The following SGCA variants were observed in gnomAD, a reference collection of about 807,000 sequenced individuals.
SGCA encodes the protein sarcoglycan alpha.
SGCA carries 34 observed loss-of-function variants against 38.1 expected under a neutral mutation model. The ratio of observed to expected loss-of-function variants is 0.89; its 90% CI spans 0.68 to 1.19. SGCA has a LOEUF of 1.19. SGCA is among the 50% of genes most tolerant of loss of function. SGCA has a pLI of 0.00. For synonymous variants in SGCA, 209 were observed against 214.6 expected, an observed-to-expected ratio of 0.97 and a Z score of 0.23; for missense variants, 476 against 524.9, an observed-to-expected ratio of 0.91 and a Z score of 0.91.
chr17:50,173,847 A>T (rs1905692473), intron 8 of SGCA, among the ~76,000 whole-genome samples: 1 of 152,164 alleles, frequency 6.6e-6, no homozygotes, highest in South Asian at 2.1e-4. Context: ...AGCATGGCCC[A>T]TTCAGCGTGA....
rs749097695 is a variant in SGCA, at chr17:50,167,975, A to C, written c.341A>C (p.Asp114Ala). Residue 114 changes from aspartate to alanine, a missense_variant, in exon 4 of 10, where the codon GAT becomes GCT. Transcript: ENST00000262018. The surrounding 1 kb of genome is among the most constrained non-coding windows in gnomAD (Gnocchi z 4.5). ...ACAGCCTACAATCGGGACAGCTTTG[A>C]TACCACTCGGCAGAGGCTGGTGCTG... is the stretch of plus-strand genomic sequence containing the variant. ...EVTAYNRDSF[D>A]TTRQRLVLEI... 81 of 1,614,074 alleles carry C rather than the reference A, an allele frequency of 5.0e-5. No individual in the cohort carries two copies. The highest frequency in any genetic ancestry group is 6.6e-5 in the Non-Finnish European group (78 of 1,180,040).
chr17:50,170,780 C>A, intron 8 of SGCA, 114 bp downstream of exon 8: 1 of 872,968 alleles, frequency 1.1e-6, no homozygotes, highest in Non-Finnish European at 1.9e-6. Flanking sequence ...CAGGGTGATG[C>A]TCACCCCTTC....
At chr17:50,166,347 G>A (rs1338805323) in intron 1 of SGCA, among the ~76,000 whole-genome samples, 2 of 152,106 alleles carry the variant, frequency 1.3e-5, no homozygotes, top group African/African-American at 4.8e-5. Context: ...CCAAAGGGTC[G>A]TGGGCCCTTT....
intron 6 of SGCA, chr17:50,169,843 T>A: frequency 2.0e-6 from 1 of 511,940 alleles, no homozygotes; most frequent in Non-Finnish European, 3.6e-6. Context: ...GCTATGTGCT[T>A]GGCACTGTCC....
chr17:50,166,239 C>T, intron 1 of SGCA, 162 bp downstream of exon 1: 3 of 683,884 alleles, frequency 4.4e-6, no homozygotes, highest in Non-Finnish European at 8.1e-6. Flanking sequence ...GCTGGGGATC[C>T]AGGGAATGGG....
intron 6 of SGCA, 107 bp downstream of exon 6, chr17:50,169,361 C>A: frequency 2.1e-6 from 2 of 974,380 alleles, no homozygotes; most frequent in South Asian, 1.6e-5. Context: ...TTGCTCCAGT[C>A]ACCATTTCTT....
rs1598266860 is a variant in SGCA, at chr17:50,168,359, A to C, written c.386-15A>C. The C allele has an allele frequency of 6.4e-7, 1 of 1,557,820 alleles. No individual in the cohort carries two copies. Among genetic ancestry groups the C allele is most frequent in the Non-Finnish European group, 8.7e-7 (1 of 1,151,788 alleles). On this transcript the variant is annotated splice_polypyrimidine_tract_variant and intron_variant, in intron 4 of 9. Coordinates refer to ENST00000262018, the MANE Select transcript of SGCA (RefSeq NM_000023.4). The stretch of plus-strand genomic sequence containing the variant: ...GGGCTGGGTGCAGCCTGAGGTGTCC[A>C]CCTGGCCTTCCCAGGCCCCCTGCTG...
In SGCA at chr17:50,173,671, C is replaced by T. The variant is rs549718935; in HGVS notation, c.984-1586C>T. Among the ~76,000 whole-genome samples the T allele has an allele frequency of 4.6e-5, 7 of 152,312 alleles. No individual in the cohort carries two copies. The East Asian group carries it at 5.8e-4, about 13-fold the overall frequency. ...GCCCAGCTGTCTCTATCTCAGCATC[C>T]ACACACTGGTTGCTTTCTTTCCCCT... On this transcript the variant is annotated intron_variant, in intron 8 of 9. Coordinates refer to ENST00000262018, the MANE Select transcript of SGCA (RefSeq NM_000023.4).
intron 6 of SGCA, 37 bp downstream of exon 6, chr17:50,169,291 C>T (rs1905180001): frequency 1.9e-6 from 3 of 1,560,376 alleles, no homozygotes; most frequent in African/African-American, 2.7e-5. Context: ...TGGGGTGGGG[C>T]ATGGCCCCCA....
chr17:50,166,134 G>C, intron 1 of SGCA, 57 bp downstream of exon 1: 1 of 1,458,324 alleles, frequency 6.9e-7, no homozygotes. Context: ...GGATTTAGGG[G>C]TGGTAAGACG....
chr17:50,175,317 G>A lies in SGCA; in HGVS notation c.1044G>A (p.Ala348=), dbSNP rs768722155. The change falls in exon 9 of 10, where the codon GCG becomes GCA. Residue 348 remains alanine, a synonymous_variant. Transcript: ENST00000262018. The part of the protein sequence containing the change: ...HGNTEELRQM[A]ASREVPRPLS... ...ACACAGAGGAGCTGCGGCAGATGGCGGCCAGCCGCGAGGTGCCCCGGCCAC... is the reference window on the plus strand; with the variant it reads ...ACACAGAGGAGCTGCGGCAGATGGCAGCCAGCCGCGAGGTGCCCCGGCCAC... The A allele has an allele frequency of 6.2e-7, 1 of 1,608,596 alleles. No individual in the cohort carries two copies. Among genetic ancestry groups the A allele is most frequent in the South Asian group, 1.1e-5 (1 of 90,372 alleles).
At chr17:50,172,745 C>T (rs1234917468) in intron 8 of SGCA, among the ~76,000 whole-genome samples, 1 of 152,156 alleles carries the variant, frequency 6.6e-6, no homozygotes, top group Non-Finnish European at 1.5e-5. Flanking sequence ...CAGGGTTATA[C>T]CAACATTTAT....
chr17:50,169,580 A>C, intron 6 of SGCA: 1 of 381,416 alleles, frequency 2.6e-6, no homozygotes, highest in South Asian at 3.6e-5. Context: ...CCCTTTCCCT[A>C]CCAAGGGCCT....
At position 50,167,831 on chromosome 17, in the gene SGCA, CATTTACATATA is replaced by C. The variant is rs1464768925; in HGVS notation, c.312+105_313-96del. The C allele has an allele frequency of 1.9e-5, 30 of 1,541,336 alleles. No individual in the cohort carries two copies. The highest frequency in any genetic ancestry group is 2.6e-5 in the Non-Finnish European group (29 of 1,114,344). On this transcript the variant is annotated intron_variant, in intron 3 of 9. Coordinates refer to ENST00000262018, the MANE Select transcript of SGCA (RefSeq NM_000023.4). This position sits in a 1 kb window ranked among gnomAD's most constrained non-coding sequence, Gnocchi z 4.5. ...TTGGGATTGGGTGCTCATTCACAGT[CATTTACATATA>C]ATTTACATACCTCTAATTTGGTATC... is the stretch of plus-strand genomic sequence containing the variant.
In SGCA at chr17:50,167,259, G is replaced by A. The variant is rs1020898418; in HGVS notation, c.38-109G>A. 8.6e-6 allele frequency: 13 copies of A among 1,503,882 alleles called. No individual in the cohort carries two copies. The East Asian group carries it at 1.4e-4, about 16-fold the overall frequency. 93.2% of individuals were successfully genotyped at this position (1,503,882 alleles called of 1,614,324 possible). On this transcript the variant is annotated intron_variant, in intron 1 of 9. Coordinates refer to ENST00000262018, the MANE Select transcript of SGCA (RefSeq NM_000023.4). The surrounding 1 kb of genome is among the most constrained non-coding windows in gnomAD (Gnocchi z 4.5). ...CTTCCTGGGAGGCAGCAAAGGAAGC[G>A]CTTCTCTCGGTCCCTTAGGGGCTCC...
At chr17:50,171,369 G>C (rs928757764) in intron 8 of SGCA, 5 of 374,086 alleles carry the variant, frequency 1.3e-5, no homozygotes, top group Non-Finnish European at 2.7e-5. Context: ...CCCCTCCTAT[G>C]TGCCCCCAGC....
chr17:50,167,411 G>A lies in SGCA; in HGVS notation c.81G>A (p.Thr27=), dbSNP rs2144493184. The A allele has an allele frequency of 3.1e-6, 5 of 1,614,154 alleles. No individual in the cohort carries two copies. The highest frequency in any genetic ancestry group is 1.1e-5 in the South Asian group (1 of 91,084). The change falls in exon 2 of 10, where the codon ACG becomes ACA. Residue 27 remains threonine, a synonymous_variant. Coordinates refer to ENST00000262018, the MANE Select transcript of SGCA (RefSeq NM_000023.4). The surrounding 1 kb of genome is among the most constrained non-coding windows in gnomAD (Gnocchi z 4.5). ...GLGDTEAQQT[T]LHPLVGRVFV... ...GGGACACCGAGGCCCAGCAGACCAC[G>A]CTACACCCACTTGTGGGCCGTGTCT...
intron 8 of SGCA, 40 bp from the exon 9 acceptor site, chr17:50,175,217 C>G (rs1305480873): frequency 6.4e-7 from 1 of 1,563,158 alleles, no homozygotes; most frequent in Non-Finnish European, 8.7e-7. Context: ...TCCAGGGCAG[C>G]TGACTCCCAG....
chr17:50,169,067 G>T, intron 5 of SGCA, 25 bp from the exon 6 acceptor site: 2 of 1,612,816 alleles, frequency 1.2e-6, no homozygotes, highest in South Asian at 2.2e-5. Context: ...CCACTCTGCT[G>T]ACAGTGACTT....
Sources: allele counts gnomAD v4.1 joint callset (sites outside exome capture counted in the v4.1 genomes callset), GRCh38; gene constraint gnomAD v4.1.1; non-coding constraint Gnocchi (gnomAD v3.1); transcripts MANE v1.5; gene names NCBI Gene and HGNC (gene_info 2026-07-23, HGNC 2026-07-21).